The following TMEM156 variants were observed in gnomAD, a reference collection of about 807,000 sequenced individuals.
The protein encoded by TMEM156 is transmembrane protein 156.
In TMEM156, 28 loss-of-function variants were observed where a neutral mutation model predicts 30.5. That is an observed-to-expected ratio of 0.92 (90% CI 0.68 to 1.26). The LOEUF (loss-of-function observed/expected upper bound fraction) is 1.26. Among genes scored for constraint, TMEM156 ranks in the 50% most tolerant of loss-of-function variants. The pLI is 0.00. For synonymous variants in TMEM156, 137 were observed against 119.9 expected, an observed-to-expected ratio of 1.14 and a Z score of -0.93; for missense variants, 351 against 340.6, an observed-to-expected ratio of 1.03 and a Z score of -0.24.
chr4:39,007,412 T>G lies in TMEM156; in HGVS notation c.89-8503A>C, dbSNP rs1713814093. Among the ~76,000 whole-genome samples the G allele has an allele frequency of 2.0e-5, 3 of 148,062 alleles. No homozygotes were observed. In the South Asian group the frequency reaches 6.2e-4, roughly 31 times the overall value. On this transcript the variant is annotated intron_variant, in intron 1 of 6. Coordinates refer to ENST00000381938, the MANE Select transcript of TMEM156 (RefSeq NM_024943.3). ...CCCTCCTATCATTCATTTCTTCCTTTCTTTTTATTTATTTATGTATTTATT... is the reference window on the plus strand; with the variant it reads ...CCCTCCTATCATTCATTTCTTCCTTGCTTTTTATTTATTTATGTATTTATT...
chr4:39,002,184 C>G lies in TMEM156; in HGVS notation c.89-3275G>C, dbSNP rs1222854690. Among the ~76,000 whole-genome samples, 4 of 147,230 alleles carry G rather than the reference C, an allele frequency of 2.7e-5. No individual in the cohort carries two copies. The Admixed American group carries it at 2.7e-4, about 10-fold the overall frequency. ...TCTACAATGAACTCAAACAAATTTACAAGAAAAAAACAAACAACCCCATCA... is the reference window on the plus strand; with the variant it reads ...TCTACAATGAACTCAAACAAATTTAGAAGAAAAAAACAAACAACCCCATCA... On this transcript the variant is annotated intron_variant, in intron 1 of 6. Coordinates refer to ENST00000381938, the MANE Select transcript of TMEM156 (RefSeq NM_024943.3).
chr4:39,009,274 C>T (rs1042983805), intron 1 of TMEM156, among the ~76,000 whole-genome samples: 5 of 151,972 alleles, frequency 3.3e-5, no homozygotes, highest in African/African-American at 1.2e-4. Context: ...CAGCCCAGAA[C>T]AGCCCTGGAC....
chr4:39,001,095 C>A (rs1379171674), intron 1 of TMEM156, among the ~76,000 whole-genome samples: 1 of 150,568 alleles, frequency 6.6e-6, no homozygotes, highest in African/African-American at 2.4e-5. Context: ...GTCTGATAGT[C>A]TTTTGTTAGC....
intron 1 of TMEM156, among the ~76,000 whole-genome samples, chr4:39,020,817 G>A (rs1047871282): frequency 6.6e-6 from 1 of 152,046 alleles, no homozygotes; most frequent in African/African-American, 2.4e-5. Context: ...CAAAGTGCTG[G>A]GATTTCAGGT....
chr4:38,990,830 G>GTT (rs71304784), intron 3 of TMEM156, among the ~76,000 whole-genome samples: 1,263 of 80,974 alleles, frequency 0.016, 63 homozygotes, highest in African/African-American at 0.039. Context: ...TTGTTTTCTG[G>GTT]TTTTTTTTTT....
At chr4:38,988,559 C>T (rs1379740105) in intron 4 of TMEM156, among the ~76,000 whole-genome samples, 1 of 152,144 alleles carries the variant, frequency 6.6e-6, no homozygotes, top group Non-Finnish European at 1.5e-5. Flanking sequence ...ACTTCCTGTT[C>T]TTCTCTCTCT....
At chr4:39,027,481 G>A (rs1411789596) in intron 1 of TMEM156, among the ~76,000 whole-genome samples, 3 of 151,926 alleles carry the variant, frequency 2.0e-5, no homozygotes, top group Admixed American at 6.6e-5. Flanking sequence ...TGTCAGTTTG[G>A]CTCTTAAAAG....
Position 39,032,231 on chromosome 4 carries a change from G to A in TMEM156, c.83C>T (p.Pro28Leu), listed in dbSNP as rs61732938. Residue 28 changes from proline (P) to leucine (L), a missense_variant, in exon 1 of 7, where the codon CCG (proline) becomes CTG (leucine). Coordinates refer to ENST00000381938, the MANE Select transcript of TMEM156 (RefSeq NM_024943.3). ...GATTACAATTATATACTCACCTTTC[G>A]GTGTCTTGAAATATTCCGGCAAAAT... ...ILILPEYFKTPKERTLELSCL... is the reference protein window; with the variant it reads ...ILILPEYFKTLKERTLELSCL... The A allele has an allele frequency of 3.4e-4, 546 of 1,585,024 alleles. 1 individual carries two copies. The African/African-American group carries it at 6.2e-3, about 18-fold the overall frequency.
intron 6 of TMEM156, among the ~76,000 whole-genome samples, chr4:38,970,347 G>A (rs1184545327): frequency 6.6e-6 from 1 of 152,034 alleles, no homozygotes; most frequent in Non-Finnish European, 1.5e-5. Flanking sequence ...TATTCAATTT[G>A]AGTGCAATAT....
intron 3 of TMEM156, among the ~76,000 whole-genome samples, chr4:38,991,027 G>A (rs568181677): frequency 2.0e-5 from 3 of 150,946 alleles, no homozygotes; most frequent in South Asian, 4.2e-4. Context: ...TAGAGACAGG[G>A]TTTCACCATG....
chr4:39,027,062 A>C (rs1715243111), intron 1 of TMEM156, among the ~76,000 whole-genome samples: 1 of 152,242 alleles, frequency 6.6e-6, no homozygotes, highest in Non-Finnish European at 1.5e-5. Context: ...TGCGCCATGA[A>C]TGAGTAGAAA....
chr4:39,009,642 A>G (rs563462817), intron 1 of TMEM156, among the ~76,000 whole-genome samples: 7 of 152,212 alleles, frequency 4.6e-5, no homozygotes, highest in Admixed American at 6.5e-5. Context: ...AATAAAAACA[A>G]AAACCGTATG....
intron 3 of TMEM156, among the ~76,000 whole-genome samples, chr4:38,993,461 T>TA (rs141434296): frequency 2.0e-5 from 3 of 151,160 alleles, no homozygotes; most frequent in Non-Finnish European, 3.0e-5. Flanking sequence ...ACTGCAACAA[T>TA]AAAAAAAAAT....
intron 1 of TMEM156, among the ~76,000 whole-genome samples, chr4:39,002,060 G>A (rs1342180583): frequency 2.2e-5 from 3 of 137,432 alleles, no homozygotes; most frequent in Middle Eastern, 3.6e-3. Flanking sequence ...AAGAGCTTCT[G>A]CACAGCAAAA....
chr4:39,020,190 T>C (rs768856834), intron 1 of TMEM156, among the ~76,000 whole-genome samples: 3 of 152,242 alleles, frequency 2.0e-5, no homozygotes, highest in Admixed American at 6.5e-5. Context: ...CACGTTTTCT[T>C]TATCCATTCA....
chr4:38,998,638 A>G lies in TMEM156; in HGVS notation c.358+2T>C. ...TTATTCTCACCTTCACTTTGTGTTT[A>G]CCTTTTGATGTTTGTTCCTGAGAAA... On this transcript the variant is annotated splice_donor_variant, in intron 2 of 6. Transcript: ENST00000381938. LOFTEE classifies it high-confidence loss of function. 6.2e-7 allele frequency: 1 copy of G among 1,607,104 alleles called. No homozygotes were observed. Among genetic ancestry groups the G allele is most frequent in the Non-Finnish European group, 8.5e-7 (1 of 1,176,200 alleles).
chr4:38,987,391 A>G (rs1712082125), intron 4 of TMEM156, among the ~76,000 whole-genome samples: 1 of 152,252 alleles, frequency 6.6e-6, no homozygotes, highest in African/African-American at 2.4e-5. Flanking sequence ...TGGTTATTCT[A>G]CAAATAAACA....
intron 1 of TMEM156, among the ~76,000 whole-genome samples, chr4:39,030,171 C>A (rs1715433091): frequency 9.7e-6 from 1 of 102,708 alleles, no homozygotes; most frequent in Non-Finnish European, 1.9e-5. Flanking sequence ...CAGCAAGACC[C>A]TGTCTCTTAA....
intron 1 of TMEM156, among the ~76,000 whole-genome samples, chr4:39,015,517 T>C (rs1188830569): frequency 6.6e-6 from 1 of 152,138 alleles, no homozygotes; most frequent in Non-Finnish European, 1.5e-5. Flanking sequence ...AGCCAGAAAA[T>C]GGATTCTAGT....
Sources: allele counts gnomAD v4.1 joint callset (sites outside exome capture counted in the v4.1 genomes callset), GRCh38; gene constraint gnomAD v4.1.1; transcripts MANE v1.5; gene names NCBI Gene and HGNC (gene_info 2026-07-23, HGNC 2026-07-21).